WDR43: variants seen among roughly 807,000 people sequenced by gnomAD.
The protein encoded by WDR43 is WD repeat-containing protein 43.
Under a neutral mutation model 91.4 loss-of-function variants are expected in WDR43, and 13 were observed. The ratio of observed to expected loss-of-function variants is 0.14; its 90% confidence interval spans 0.09 to 0.23. The LOEUF is 0.23. Ranked by LOEUF, WDR43 falls within the 10% of genes least tolerant of loss-of-function variation. The probability of loss-of-function intolerance (pLI) is 1.00; values close to 1 mark genes in which losing one functional copy is unlikely to be tolerated. For missense variants in WDR43, 780 were observed against 809.4 expected (o/e 0.96, Z 0.44); for synonymous variants, 331 against 287.9 (o/e 1.15, Z -1.51).
chr2:28,934,626 T>C (rs146188035), intron 11 of WDR43, among the ~76,000 whole-genome samples: 77 of 152,296 alleles, frequency 5.1e-4, no homozygotes, highest in African/African-American at 1.8e-3. Flanking sequence ...AGAAAATCAT[T>C]ACTAATTACT....
At chr2:28,910,757 G>A (rs964931738) in intron 3 of WDR43, among the ~76,000 whole-genome samples, 8 of 151,262 alleles carry the variant, frequency 5.3e-5, no homozygotes, top group Non-Finnish European at 1.0e-4. Context: ...GAGTGCAGCA[G>A]TGGTGTCTCA....
chr2:28,937,264 C>G (rs1671352384), intron 13 of WDR43, among the ~76,000 whole-genome samples: 2 of 152,096 alleles, frequency 1.3e-5, no homozygotes, highest in Non-Finnish European at 2.9e-5. Flanking sequence ...CTGCTTAAGA[C>G]TCTGTAAAAA....
intron 6 of WDR43, among the ~76,000 whole-genome samples, chr2:28,922,617 G>T (rs993790993): frequency 6.6e-6 from 1 of 152,194 alleles, no homozygotes; most frequent in Non-Finnish European, 1.5e-5. Flanking sequence ...GGCAAGAGGG[G>T]CATGTCAGCT....
intron 6 of WDR43, among the ~76,000 whole-genome samples, chr2:28,921,931 C>T (rs1051058793): frequency 1.3e-5 from 2 of 152,094 alleles, no homozygotes; most frequent in Non-Finnish European, 2.9e-5. Flanking sequence ...CTAGTCTGGT[C>T]TCGAACTTCC....
Position 28,946,594 on chromosome 2 carries a change from G to A in WDR43, c.1855-6G>A, listed in dbSNP as rs1321528812. On this transcript the variant is annotated splice_region_variant and splice_polypyrimidine_tract_variant and intron_variant, in intron 17 of 17. Coordinates refer to ENST00000407426, the MANE Select transcript of WDR43 (RefSeq NM_015131.3). The stretch of plus-strand genomic sequence containing the variant: ...TGAATGCTTTCCTTGTTGGTATTTC[G>A]ACTAGGATAATTGGGATGAAGATGA... 3.8e-6 allele frequency: 6 copies of A among 1,560,888 alleles called. No homozygotes were observed. Among genetic ancestry groups the A allele is most frequent in the African/African-American group, 2.7e-5 (2 of 73,638 alleles).
intron 10 of WDR43, among the ~76,000 whole-genome samples, chr2:28,928,387 A>G (rs1671182454): frequency 6.6e-6 from 1 of 152,168 alleles, no homozygotes; most frequent in African/African-American, 2.4e-5. Flanking sequence ...TGGGGATAAC[A>G]TAGCTTCATA....
chr2:28,895,752 T>A (rs1670467995), intron 1 of WDR43: 1 of 152,202 alleles, frequency 6.6e-6, no homozygotes, highest in South Asian at 2.1e-4. Flanking sequence ...CTTTCACTGT[T>A]GAGTCACTCA....
chr2:28,922,840 A>C, intron 6 of WDR43, 79 bp from the exon 7 acceptor site: 778 of 746,786 alleles, frequency 1.0e-3, no homozygotes, highest in Non-Finnish European at 1.4e-3. Context: ...GGTGGGAAGG[A>C]CAGCTGAGTT....
chr2:28,914,978 A>G (rs1670878446), intron 5 of WDR43, among the ~76,000 whole-genome samples: 1 of 152,028 alleles, frequency 6.6e-6, no homozygotes, highest in Non-Finnish European at 1.5e-5. Flanking sequence ...TTTTAAAGAA[A>G]TTTCCTGGAT....
chr2:28,937,859 G>C, intron 13 of WDR43, 72 bp from the exon 14 acceptor site: 8 of 1,445,954 alleles, frequency 5.5e-6, no homozygotes, highest in Non-Finnish European at 7.7e-6. Context: ...TGTCTGTCTG[G>C]GTTTTCTAAC....
At chr2:28,938,025 T>C (rs774689881) in intron 14 of WDR43, 31 bp downstream of exon 14, 1 of 1,609,226 alleles carries the variant, frequency 6.2e-7, no homozygotes, top group South Asian at 1.1e-5. Flanking sequence ...TTGCCGAGTA[T>C]GAATAGTTTG....
chr2:28,918,981 A>T (rs1234967121), intron 6 of WDR43, among the ~76,000 whole-genome samples: 2 of 152,202 alleles, frequency 1.3e-5, no homozygotes, highest in Admixed American at 6.5e-5. Context: ...GGGAAAAAGC[A>T]TTGGTTTAAA....
At chr2:28,927,759 C>G in intron 10 of WDR43, 59 bp downstream of exon 10, 2 of 1,605,128 alleles carry the variant, frequency 1.2e-6, no homozygotes, top group Non-Finnish European at 8.5e-7. Flanking sequence ...CTGGGAAATT[C>G]TAACAAGTGT....
In WDR43 at chr2:28,910,678, A is replaced by AATATATATATATATATATATAT. The variant is rs71403628; in HGVS notation, c.486-1895_486-1894insTATATATATATATATATATATA. Among the ~76,000 whole-genome samples the AATATATATATATATATATATAT allele has an allele frequency of 2.9e-4, 41 of 142,644 alleles. 1 individual carries two copies. The East Asian group carries it at 4.7e-3, about 16-fold the overall frequency. 93.6% of individuals were successfully genotyped at this position (142,644 alleles called of 152,430 possible). On this transcript the variant is annotated intron_variant, in intron 3 of 17. Coordinates refer to ENST00000407426, the MANE Select transcript of WDR43 (RefSeq NM_015131.3). ...CAGATAACGTGCGTGTGTGTGTGTA[A>AATATATATATATATATATATAT]ATATATATATATATATAATTATTAT...
At chr2:28,915,287 G>A (rs1302868983) in intron 5 of WDR43, among the ~76,000 whole-genome samples, 3 of 152,074 alleles carry the variant, frequency 2.0e-5, no homozygotes, top group Non-Finnish European at 2.9e-5. Flanking sequence ...GTTTTGTTTC[G>A]TGTTTGATTT....
intron 1 of WDR43, among the ~76,000 whole-genome samples, chr2:28,900,402 T>A (rs890732864): frequency 1.1e-4 from 17 of 152,148 alleles, no homozygotes; most frequent in African/African-American, 2.7e-4. Flanking sequence ...CAGGCTGGTC[T>A]TGAACTCCTG....
rs190815350 is a variant in WDR43, at chr2:28,927,708, A to T, written c.1305+8A>T. On this transcript the variant is annotated splice_region_variant and intron_variant, in intron 10 of 17. Transcript: ENST00000407426. ...AAGTCAGGGGGAAATGAGGTAATGC[A>T]ACTGCTTTGACCATATATTTGAGTT... The T allele has an allele frequency of 2.8e-5, 45 of 1,612,430 alleles. No homozygotes were observed. The highest frequency in any genetic ancestry group is 1.0e-4 in the Admixed American group (6 of 59,980).
intron 11 of WDR43, among the ~76,000 whole-genome samples, chr2:28,934,932 A>G (rs142010944): frequency 4.3e-4 from 66 of 152,178 alleles, no homozygotes; most frequent in Middle Eastern, 6.8e-3. Context: ...AAGTTGAACA[A>G]CCTGTGCCAG....
intron 13 of WDR43, 77 bp from the exon 14 acceptor site, chr2:28,937,854 G>A (rs1285096532): frequency 1.4e-5 from 19 of 1,390,332 alleles, no homozygotes; most frequent in East Asian, 2.3e-5. Context: ...TCACTTGTCT[G>A]TCTGGGTTTT....
Sources: gnomAD v4.1 joint callset for allele counts (sites outside exome capture counted in the v4.1 genomes callset) on GRCh38, gnomAD v4.1.1 for gene constraint, MANE v1.5 for transcripts, NCBI Gene and HGNC (gene_info 2026-07-23, HGNC 2026-07-21) for gene names.